HAAO: variants seen among roughly 807,000 people sequenced by gnomAD.
The protein encoded by HAAO is 3-hydroxyanthranilate 3,4-dioxygenase.
Under a neutral mutation model 46.2 loss-of-function variants are expected in HAAO, and 49 were observed. The ratio of observed to expected loss-of-function variants is 1.06; its 90% CI spans 0.84 to 1.34. HAAO has a LOEUF of 1.34. Ranked by LOEUF, HAAO falls within the 40% of genes most tolerant of loss-of-function variation. HAAO has a pLI of 0.00. For synonymous variants in HAAO, 157 were observed against 145.2 expected (o/e 1.08, Z -0.58); for missense variants, 408 against 364.5 (o/e 1.12, Z -0.97).
chr2:42,786,440 G>T (rs1163212664), intron 2 of HAAO, among the ~76,000 whole-genome samples: 1 of 152,188 alleles, frequency 6.6e-6, no homozygotes, highest in African/African-American at 2.4e-5. Context: ...ACCTGGAAAG[G>T]CCTTTCAGGC....
At chr2:42,785,578 A>G (rs1174001219) in intron 2 of HAAO, among the ~76,000 whole-genome samples, 1 of 152,182 alleles carries the variant, frequency 6.6e-6, no homozygotes, top group Admixed American at 6.5e-5. Flanking sequence ...ATTAAAAAAA[A>G]ACCCATAGGC....
In HAAO at chr2:42,770,343, C is replaced by T. The variant is rs536677873; in HGVS notation, c.440+150G>A. Reference sequence around the variant, plus strand: ...GTGTCTGCCATCCTTTCCCTCCCAGCGGGGCTGCTGCTCCCCCCTCCCCCC... The same window carrying T: ...GTGTCTGCCATCCTTTCCCTCCCAGTGGGGCTGCTGCTCCCCCCTCCCCCC... On this transcript the variant is annotated intron_variant, in intron 5 of 9. Coordinates refer to ENST00000294973, the MANE Select transcript of HAAO (RefSeq NM_012205.3). The T allele has an allele frequency of 6.9e-5, 60 of 868,230 alleles. No homozygotes were observed. In the East Asian group the frequency reaches 8.2e-4, roughly 12 times the overall value. The allele number at this position is 868,230 out of a possible 1,614,324, so 53.8% of individuals were successfully genotyped here.
chr2:42,791,922 TG>T (rs202170279), intron 1 of HAAO, among the ~76,000 whole-genome samples: 9 of 29,714 alleles, frequency 3.0e-4, no homozygotes, highest in African/African-American at 5.6e-4. Flanking sequence ...GGGTCTGGTG[TG>T]GTGTGTGTGT....
chr2:42,767,907 T>G lies in HAAO; in HGVS notation c.652A>C (p.Ser218Arg). The G allele has an allele frequency of 1.2e-6, 2 of 1,614,016 alleles. No individual in the cohort carries two copies. The highest frequency in any genetic ancestry group is 1.7e-6 in the Non-Finnish European group (2 of 1,179,870). The change falls in exon 8 of 10, where the codon AGC becomes CGC. Residue 218 changes from serine (S) to arginine (R), a missense_variant. Transcript: ENST00000294973. ...ACATTCTGTCTCAGGCCTTCGCTGC[T>G]GCCTTGCCCATAGGCGATCACCTGG... is the stretch of plus-strand genomic sequence containing the variant. ...ETQVIAYGQG[S>R]SEGLRQNVDV...
At chr2:42,777,482 TAACTA>T (rs1037747427) in intron 4 of HAAO, among the ~76,000 whole-genome samples, 3 of 152,104 alleles carry the variant, frequency 2.0e-5, no homozygotes, top group South Asian at 4.1e-4. Context: ...GGGCTCTAAT[TAACTA>T]AACTAAGTGC....
intron 4 of HAAO, among the ~76,000 whole-genome samples, chr2:42,780,793 C>T (rs1040021297): frequency 5.3e-5 from 8 of 151,296 alleles, no homozygotes; most frequent in South Asian, 2.1e-4. Context: ...CCCGGCCGGG[C>T]GTGGTGGCTC....
intron 4 of HAAO, among the ~76,000 whole-genome samples, chr2:42,780,996 G>A (rs1671952744): frequency 6.6e-6 from 1 of 151,892 alleles, no homozygotes; most frequent in Non-Finnish European, 1.5e-5. Flanking sequence ...AGAATGGTGT[G>A]AACCTGGGAG....
Position 42,770,148 on chromosome 2 carries a change from A to T in HAAO, c.479T>A (p.Ile160Asn), listed in dbSNP as rs1256442710. Reference sequence around the variant, plus strand: ...GCAGTTCCCAGCGGCCTCACCAGGGATGGGCTTTCCTGTTCTGTACTGCTC... The same window carrying T: ...GCAGTTCCCAGCGGCCTCACCAGGGTTGGGCTTTCCTGTTCTGTACTGCTC... ...SSEQYRTGKPIPDQLLKEPPF... is the reference protein window; with the variant it reads ...SSEQYRTGKPNPDQLLKEPPF... The change falls in exon 6 of 10, where the codon ATC (isoleucine) becomes AAC (asparagine). Residue 160 changes from isoleucine (I) to asparagine (N), a missense_variant. Coordinates refer to ENST00000294973, the MANE Select transcript of HAAO (RefSeq NM_012205.3). 1.2e-6 allele frequency: 2 copies of T among 1,604,192 alleles called. No homozygotes were observed. The highest frequency in any genetic ancestry group is 1.1e-5 in the South Asian group (1 of 89,512).
chr2:42,773,183 T>C (rs773738374), intron 4 of HAAO, among the ~76,000 whole-genome samples: 1 of 152,256 alleles, frequency 6.6e-6, no homozygotes, highest in Admixed American at 6.5e-5. Context: ...TAATGCCAGA[T>C]CTAGCAAGTA....
chr2:42,767,694 G>C lies in HAAO; in HGVS notation c.700-17C>G. 1 of 1,571,220 alleles carries C rather than the reference G, an allele frequency of 6.4e-7. No individual in the cohort carries two copies. The highest frequency in any genetic ancestry group is 1.1e-5 in the South Asian group (1 of 87,454). ...GGAGCCCTCCTGGAGAAGAGGAGCA[G>C]GAGAATCAAATGGAGACTGTTGGGC... On this transcript the variant is annotated splice_polypyrimidine_tract_variant and intron_variant, in intron 8 of 9. Coordinates refer to ENST00000294973, the MANE Select transcript of HAAO (RefSeq NM_012205.3).
chr2:42,781,487 T>C (rs1173932059), intron 4 of HAAO, among the ~76,000 whole-genome samples: 3 of 152,222 alleles, frequency 2.0e-5, no homozygotes, highest in Admixed American at 2.0e-4. Context: ...CACATATCCA[T>C]GGCTAGGCTT....
intron 1 of HAAO, chr2:42,788,877 G>A (rs763799649): frequency 2.8e-5 from 12 of 433,202 alleles, no homozygotes; most frequent in Non-Finnish European, 4.2e-5. Flanking sequence ...AAATGATGTG[G>A]TGGTGAATCT....
intron 1 of HAAO, among the ~76,000 whole-genome samples, chr2:42,790,187 C>T (rs1235765794): frequency 6.6e-6 from 1 of 152,196 alleles, no homozygotes; most frequent in African/African-American, 2.4e-5. Context: ...AAGAGCCAGT[C>T]TCTTTCCTTT....
rs115801681 is a variant in HAAO, at chr2:42,783,098, G to A, written c.350+216C>T. 3.2e-3 allele frequency: 1,870 copies of A among 577,304 alleles called. 28 individuals are homozygous for A. The highest frequency in any genetic ancestry group is 0.032 in the African/African-American group (1,721 of 53,422). 35.8% of individuals were successfully genotyped at this position (577,304 alleles called of 1,614,324 possible). On this transcript the variant is annotated intron_variant, in intron 4 of 9. Transcript: ENST00000294973. ...GTTCATCAGGCTGAGTGAGCTTCCA[G>A]GGGGTCACAGAGAACAGAATCCACC... is the stretch of plus-strand genomic sequence containing the variant.
At chr2:42,773,355 T>A (rs769650185) in intron 4 of HAAO, among the ~76,000 whole-genome samples, 35 of 151,562 alleles carry the variant, frequency 2.3e-4, no homozygotes, top group Middle Eastern at 3.2e-3. Flanking sequence ...TGAGCTGGGG[T>A]AGAGAAACAA....
intron 4 of HAAO, among the ~76,000 whole-genome samples, chr2:42,771,220 T>TAAC (rs1558660660): frequency 6.6e-6 from 1 of 150,706 alleles, no homozygotes; most frequent in Admixed American, 6.6e-5. Flanking sequence ...CTACTAAAAA[T>TAAC]AATAATAATA....
At position 42,789,747 on chromosome 2, in the gene HAAO, G is replaced by C. The variant is rs371611397; in HGVS notation, c.81-1140C>G. Among the ~76,000 whole-genome samples, 49 of 152,202 alleles carry C rather than the reference G, an allele frequency of 3.2e-4. 1 individual carries two copies. Among genetic ancestry groups the C allele is most frequent in the Middle Eastern group, 3.4e-3 (1 of 294 alleles). On this transcript the variant is annotated intron_variant, in intron 1 of 9. Coordinates refer to ENST00000294973, the MANE Select transcript of HAAO (RefSeq NM_012205.3). ...TCTAGTCAGCTGTTTGGAACAAAAG[G>C]GTTCCCAAACTCCTCAGTCTTTCTG...
At chr2:42,767,818 C>G (rs902542801) in intron 8 of HAAO, 42 bp downstream of exon 8, 3 of 1,600,638 alleles carry the variant, frequency 1.9e-6, no homozygotes. Flanking sequence ...CTGATGCCCT[C>G]TGGCAGGGGG....
chr2:42,787,300 G>A (rs993962502), intron 2 of HAAO, among the ~76,000 whole-genome samples: 7 of 152,186 alleles, frequency 4.6e-5, no homozygotes, highest in Non-Finnish European at 1.0e-4. Context: ...AGCAAAGACA[G>A]AGGGAGACAG....
Sources: allele counts gnomAD v4.1 joint callset (sites outside exome capture counted in the v4.1 genomes callset), GRCh38; gene constraint gnomAD v4.1.1; transcripts MANE v1.5; gene names NCBI Gene and HGNC (gene_info 2026-07-23, HGNC 2026-07-21).